ATP11A: variants seen among roughly 807,000 people sequenced by gnomAD.
ATP11A encodes ATPase phospholipid transporting 11A.
A neutral mutation model predicts 154.4 loss-of-function variants in ATP11A; 81 were observed. That is an observed-to-expected ratio of 0.52 (90% CI 0.44 to 0.63). ATP11A has a LOEUF of 0.63. ATP11A is among the 30% of genes least tolerant of loss of function. The pLI is 0.00. For synonymous variants in ATP11A, 623 were observed against 585.9 expected (o/e 1.06, Z -0.91); for missense variants, 1,316 against 1,474.3 (o/e 0.89, Z 1.76).
chr13:112,693,642 A>AT (rs1389305512), intron 1 of ATP11A, among the ~76,000 whole-genome samples: 1 of 152,052 alleles, frequency 6.6e-6, no homozygotes, highest in African/African-American at 2.4e-5. Context: ...TTTGACCTCC[A>AT]TGACGTAACA....
chr13:112,724,021 A>AG lies in ATP11A; in HGVS notation c.39+33567dup, dbSNP rs145923197. Among the ~76,000 whole-genome samples the AG allele has an allele frequency of 9.8e-3, 1,482 of 151,932 alleles. 21 individuals are homozygous for AG. Among genetic ancestry groups the AG allele is most frequent in the East Asian group, 0.028 (141 of 5,126 alleles). On this transcript the variant is annotated intron_variant, in intron 1 of 29. Coordinates refer to ENST00000375645, the MANE Select transcript of ATP11A (RefSeq NM_015205.3). ...TCTCAACTTTTAAATAAAGAAGATG[A>AG]GCATCGCCCCCTCCATCATCCCTGC...
In ATP11A at chr13:112,780,308, C is replaced by T. The variant is rs577711757; in HGVS notation, c.40-4827C>T. On this transcript the variant is annotated intron_variant, in intron 1 of 29. Transcript: ENST00000375645. ...CCAGTCAGAGGCGGTCGGCAGCCAC[C>T]ACCGCCCTCCAACCCAGAAGGTTTT... 3.9e-3 allele frequency among the ~76,000 whole-genome samples: 591 copies of T among 152,196 alleles called. 9 individuals are homozygous for T. The highest frequency in any genetic ancestry group is 2.1e-3 in the East Asian group (11 of 5,176).
rs1419223244 is a variant in ATP11A, at chr13:112,696,182, C to G, written c.39+5727C>G. On this transcript the variant is annotated intron_variant, in intron 1 of 29. Coordinates refer to ENST00000375645, the MANE Select transcript of ATP11A (RefSeq NM_015205.3). This position sits in a 1 kb window ranked among gnomAD's most constrained non-coding sequence, Gnocchi z 6.2. The stretch of plus-strand genomic sequence containing the variant: ...TGCAGTGACGGGACAGGTCACGGCG[C>G]TCGTGCACGCTGGGTGCCCAGTGCA... Among the ~76,000 whole-genome samples, 5 of 152,206 alleles carry G rather than the reference C, an allele frequency of 3.3e-5. No individual in the cohort carries two copies. Among genetic ancestry groups the G allele is most frequent in the Admixed American group, 3.3e-4 (5 of 15,290 alleles).
intron 1 of ATP11A, among the ~76,000 whole-genome samples, chr13:112,707,287 C>T (rs1260849737): frequency 6.6e-6 from 1 of 152,026 alleles, no homozygotes; most frequent in African/African-American, 2.4e-5. Context: ...TGGTGGCACA[C>T]GCCTGTAATC....
chr13:112,704,479 GT>G (rs1285205880), intron 1 of ATP11A, among the ~76,000 whole-genome samples: 5 of 152,248 alleles, frequency 3.3e-5, no homozygotes, highest in African/African-American at 1.2e-4. Flanking sequence ...CTGCCCCCGC[GT>G]TGTCTTATCT....
At chr13:112,722,204 G>C (rs1889279415) in intron 1 of ATP11A, among the ~76,000 whole-genome samples, 1 of 147,578 alleles carries the variant, frequency 6.8e-6, no homozygotes, top group Non-Finnish European at 1.5e-5. Context: ...ATTTTAGGGA[G>C]ACATGAGACA....
At chr13:112,788,924 T>C (rs1215644076) in intron 2 of ATP11A, among the ~76,000 whole-genome samples, 8 of 151,938 alleles carry the variant, frequency 5.3e-5, no homozygotes, top group Admixed American at 3.9e-4. Flanking sequence ...AGTCCTGATA[T>C]GTAGATCCCT....
intron 11 of ATP11A, 21 bp downstream of exon 11, chr13:112,825,601 T>G (rs757791511): frequency 6.2e-7 from 1 of 1,604,688 alleles, no homozygotes; most frequent in Non-Finnish European, 8.5e-7. Context: ...TCACTGCCCT[T>G]GTATGATCCG....
Position 112,882,105 on chromosome 13 carries a change from TC to T in ATP11A, c.*241del, listed in dbSNP as rs2080901439. On this transcript the variant is annotated 3_prime_UTR_variant, in exon 30 of 30. Transcript: ENST00000375645. The surrounding 1 kb of genome is among the most constrained non-coding windows in gnomAD (Gnocchi z 5.1). ...CTGTGGAGACTGTGCACGTGCCTCT[TC>T]CTGGCCCCCAGCAGGCAAGGAGGGG... 1.5e-6 allele frequency: 2 copies of T among 1,348,088 alleles called. No individual in the cohort carries two copies. The highest frequency in any genetic ancestry group is 3.0e-5 in the African/African-American group (2 of 67,418). 83.5% of individuals were successfully genotyped at this position (1,348,088 alleles called of 1,614,324 possible).
chr13:112,787,442 C>T (rs1199954126), intron 2 of ATP11A, among the ~76,000 whole-genome samples: 1 of 128,162 alleles, frequency 7.8e-6, no homozygotes, highest in Admixed American at 7.3e-5. Flanking sequence ...TAATTCACAC[C>T]GGGTGTCCTG....
At chr13:112,736,669 T>C (rs1891032669) in intron 1 of ATP11A, among the ~76,000 whole-genome samples, 1 of 152,248 alleles carries the variant, frequency 6.6e-6, no homozygotes, top group African/African-American at 2.4e-5. Flanking sequence ...GTTTTCTATA[T>C]TGAGTACATT....
intron 2 of ATP11A, among the ~76,000 whole-genome samples, chr13:112,796,866 A>G (rs2078012527): frequency 6.6e-6 from 1 of 152,206 alleles, no homozygotes; most frequent in African/African-American, 2.4e-5. Context: ...CGTGGTGTGC[A>G]AAGGACCCGT....
chr13:112,829,678 T>C (rs549250694), intron 12 of ATP11A, among the ~76,000 whole-genome samples: 3 of 152,266 alleles, frequency 2.0e-5, no homozygotes, highest in Admixed American at 2.0e-4. Context: ...CTATTTAGCA[T>C]AGCACTGGAA....
chr13:112,722,059 A>G (rs566772511), intron 1 of ATP11A, among the ~76,000 whole-genome samples: 70 of 152,174 alleles, frequency 4.6e-4, no homozygotes, highest in Non-Finnish European at 8.5e-4. Flanking sequence ...ACTCTGTATC[A>G]GTGAAGGGTC....
chr13:112,695,104 G>A (rs1885645838), intron 1 of ATP11A, among the ~76,000 whole-genome samples: 1 of 152,186 alleles, frequency 6.6e-6, no homozygotes, highest in Non-Finnish European at 1.5e-5. Flanking sequence ...ACATAATTTT[G>A]GAGTTTCTTT....
In ATP11A at chr13:112,862,110, C is replaced by T. The variant is rs926572786; in HGVS notation, c.2856-330C>T. On this transcript the variant is annotated intron_variant, in intron 24 of 29. Transcript: ENST00000375645. ...CGTCAGGCGTAAGGTGTCACAAGCT[C>T]GGTGAACGTCAGGGGTGTGCCTTGT... Among the ~76,000 whole-genome samples the T allele has an allele frequency of 4.6e-5, 7 of 152,206 alleles. No homozygotes were observed. The East Asian group carries it at 7.7e-4, about 17-fold the overall frequency.
intron 1 of ATP11A, among the ~76,000 whole-genome samples, chr13:112,779,496 A>G (rs2077446964): frequency 6.6e-6 from 1 of 152,206 alleles, no homozygotes; most frequent in Non-Finnish European, 1.5e-5. Context: ...TAAAAAAAGT[A>G]ATTAATTATT....
intron 2 of ATP11A, among the ~76,000 whole-genome samples, chr13:112,800,216 GAA>G (rs35798419): frequency 1.3e-4 from 20 of 149,222 alleles, no homozygotes; most frequent in African/African-American, 2.9e-4. Flanking sequence ...CTGGTTCTTT[GAA>G]AAAAAAAAAT....
chr13:112,823,291 C>T (rs1760874343), intron 8 of ATP11A, 54 bp from the exon 9 acceptor site: 11 of 1,438,412 alleles, frequency 7.6e-6, no homozygotes, highest in South Asian at 4.6e-5. Context: ...TTGCCCCCCG[C>T]CCTGCCCACT....
Sources: gnomAD v4.1 joint callset for allele counts (sites outside exome capture counted in the v4.1 genomes callset) on GRCh38, gnomAD v4.1.1 for gene constraint, Gnocchi (gnomAD v3.1) non-coding constraint, MANE v1.5 for transcripts, NCBI Gene and HGNC (gene_info 2026-07-23, HGNC 2026-07-21) for gene names.